Variants in NOSTRIN observed in about 807,000 individuals in gnomAD.
NOSTRIN encodes the protein BM247 homolog.
NOSTRIN carries 63 observed loss-of-function variants against 59.0 expected under a neutral mutation model. The observed-to-expected ratio is 1.07, with a 90% CI of 0.87 to 1.32. NOSTRIN has a LOEUF of 1.32. NOSTRIN is among the 40% of genes most tolerant of loss of function. NOSTRIN has a pLI of 0.00. For synonymous variants in NOSTRIN, 200 were observed against 165.4 expected (o/e 1.21, Z -1.61); for missense variants, 512 against 473.1 (o/e 1.08, Z -0.76).
At chr2:168,858,860 A>G (rs1454691651) in intron 12 of NOSTRIN, among the ~76,000 whole-genome samples, 1 of 152,184 alleles carries the variant, frequency 6.6e-6, no homozygotes, top group Admixed American at 6.5e-5. Flanking sequence ...AGATTCTGTT[A>G]TTTAATTCAC....
At chr2:168,819,773 C>G (rs1435710874) in intron 2 of NOSTRIN, among the ~76,000 whole-genome samples, 3 of 152,156 alleles carry the variant, frequency 2.0e-5, no homozygotes, top group East Asian at 3.9e-4. Context: ...CAATAAGTTG[C>G]AGGCAGAGAA....
upstream of NOSTRIN, among the ~76,000 whole-genome samples, chr2:168,801,483 A>G (rs1021789949): frequency 1.3e-5 from 2 of 152,020 alleles, no homozygotes; most frequent in Non-Finnish European, 2.9e-5. Flanking sequence ...TCGGCCTCCC[A>G]AAGTGCTTGG....
chr2:168,822,331 C>T (rs1686790866), intron 2 of NOSTRIN, among the ~76,000 whole-genome samples: 1 of 137,076 alleles, frequency 7.3e-6, no homozygotes, highest in African/African-American at 2.7e-5. Context: ...CAACTTAAAG[C>T]ACAGCTGTAC....
chr2:168,789,611 C>T (rs1333016407), intron 2 of NOSTRIN, among the ~76,000 whole-genome samples: 3 of 152,104 alleles, frequency 2.0e-5, no homozygotes, highest in African/African-American at 7.2e-5. Flanking sequence ...GAGTGTGCCT[C>T]CTATTGATTA....
intron 2 of NOSTRIN, among the ~76,000 whole-genome samples, chr2:168,819,761 A>T (rs1574275064): frequency 6.6e-6 from 1 of 152,216 alleles, no homozygotes; most frequent in South Asian, 2.1e-4. Context: ...CTTCGGGGTC[A>T]TCAATAAGTT....
At chr2:168,856,849 G>T in intron 12 of NOSTRIN, 71 bp downstream of exon 12, 1 of 1,444,902 alleles carries the variant, frequency 6.9e-7, no homozygotes, top group South Asian at 1.2e-5. Flanking sequence ...CTTGTTTCTG[G>T]TCCACTTGGC....
At chr2:168,862,962 G>A (rs568446951) in intron 15 of NOSTRIN, among the ~76,000 whole-genome samples, 8 of 152,260 alleles carry the variant, frequency 5.3e-5, no homozygotes, top group African/African-American at 1.7e-4. Flanking sequence ...TTTATTGGGT[G>A]TTTCCTTTGC....
rs1686253903 is a variant in NOSTRIN, at chr2:168,813,524, A to G, written c.113+1872A>G. 2.0e-5 allele frequency among the ~76,000 whole-genome samples: 3 copies of G among 151,940 alleles called. No homozygotes were observed. The South Asian group carries it at 6.2e-4, about 32-fold the overall frequency. ...TCATACAGCAGAGCCTTCATTTCTTATTTTTGTTTTCTTGAAGTCTCTTCC... is the reference window on the plus strand; with the variant it reads ...TCATACAGCAGAGCCTTCATTTCTTGTTTTTGTTTTCTTGAAGTCTCTTCC... On this transcript the variant is annotated intron_variant, in intron 2 of 15. Transcript: ENST00000317647.
At chr2:168,850,986 C>G in intron 8 of NOSTRIN, 98 bp from the exon 9 acceptor site, 1 of 874,166 alleles carries the variant, frequency 1.1e-6, no homozygotes, top group East Asian at 2.4e-5. Flanking sequence ...AATCATGAGA[C>G]TTTGTTCAGT....
At chr2:168,793,420 C>G (rs1003298897), upstream of NOSTRIN, among the ~76,000 whole-genome samples, 11 of 152,108 alleles carry the variant, frequency 7.2e-5, no homozygotes, top group African/African-American at 2.4e-4. Context: ...CCAGCCTGGG[C>G]AATATGGTGA....
chr2:168,802,550 C>T, upstream of NOSTRIN: 1 of 811,714 alleles, frequency 1.2e-6, no homozygotes, highest in Non-Finnish European at 2.1e-6. Flanking sequence ...ACTCTAGGCC[C>T]TTTGAATCCC....
Position 168,856,381 on chromosome 2 carries a change from T to A in NOSTRIN, c.965-309T>A, listed in dbSNP as rs1429667424. 7 of 317,222 alleles carry A rather than the reference T, an allele frequency of 2.2e-5. No homozygotes were observed. The East Asian group carries it at 2.4e-4, about 11-fold the overall frequency. 19.7% of individuals were successfully genotyped at this position (317,222 alleles called of 1,614,324 possible). On this transcript the variant is annotated intron_variant, in intron 11 of 15. Transcript: ENST00000317647. Reference sequence around the variant, plus strand: ...CACAAGGTCAGGCGCTGGAGACCAGTTTGGCCAACATGATGAAACTGTGTC... The same window carrying A: ...CACAAGGTCAGGCGCTGGAGACCAGATTGGCCAACATGATGAAACTGTGTC...
intron 15 of NOSTRIN, among the ~76,000 whole-genome samples, chr2:168,864,591 G>GTCTT (rs144766770): frequency 3.9e-4 from 60 of 152,256 alleles, no homozygotes; most frequent in African/African-American, 1.3e-3. Flanking sequence ...AGCCAATCCT[G>GTCTT]TCTTTAAGCA....
chr2:168,836,278 G>A (rs566193926), intron 7 of NOSTRIN, among the ~76,000 whole-genome samples: 1 of 152,268 alleles, frequency 6.6e-6, no homozygotes, highest in South Asian at 2.1e-4. Context: ...ATTCTTTATT[G>A]ATGTCATGCA....
chr2:168,860,034 G>GCAT (rs1689345335), intron 13 of NOSTRIN, among the ~76,000 whole-genome samples: 1 of 152,142 alleles, frequency 6.6e-6, no homozygotes, highest in South Asian at 2.1e-4. Context: ...TGCAGATAAT[G>GCAT]CATCAGTACA....
chr2:168,817,109 G>A (rs1279614504), intron 2 of NOSTRIN, among the ~76,000 whole-genome samples: 1 of 152,208 alleles, frequency 6.6e-6, no homozygotes, highest in Non-Finnish European at 1.5e-5. Context: ...ACAACCCACA[G>A]CGTACATACT....
upstream of NOSTRIN, among the ~76,000 whole-genome samples, chr2:168,793,774 G>T (rs16855888): frequency 0.023 from 3,542 of 152,274 alleles, 119 homozygotes; most frequent in East Asian, 0.072. Flanking sequence ...CAAGCCTCAT[G>T]AACTATAAGG....
intron 8 of NOSTRIN, among the ~76,000 whole-genome samples, chr2:168,849,304 G>A (rs1471031334): frequency 2.6e-5 from 4 of 152,104 alleles, no homozygotes; most frequent in African/African-American, 4.8e-5. Context: ...GACTTCCCTG[G>A]ATAAAAGGAT....
chr2:168,802,448 C>A, upstream of NOSTRIN: 2 of 559,492 alleles, frequency 3.6e-6, no homozygotes, highest in Non-Finnish European at 6.6e-6. Context: ...GCCGTCTTGA[C>A]CCAGAGCAGT....
Sources: gnomAD v4.1 joint callset for allele counts (sites outside exome capture counted in the v4.1 genomes callset) on GRCh38, gnomAD v4.1.1 for gene constraint, MANE v1.5 for transcripts, NCBI Gene and HGNC (gene_info 2026-07-23, HGNC 2026-07-21) for gene names.